The following ZFAT variants were observed in gnomAD, a reference collection of about 807,000 sequenced individuals.
ZFAT encodes zinc finger and AT-hook domain containing, also known as zinc finger protein ZFAT.
Under a neutral mutation model 117.7 loss-of-function variants are expected in ZFAT, and 64 were observed. The observed-to-expected ratio is 0.54, with a 90% confidence interval of 0.44 to 0.67. The LOEUF is 0.67. Ranked by LOEUF, ZFAT falls within the 30% of genes least tolerant of loss-of-function variation. The probability of loss-of-function intolerance (pLI) is 0.00; values close to 1 mark genes in which losing one functional copy is unlikely to be tolerated. For missense variants in ZFAT, 1,433 were observed against 1,584.5 expected (o/e 0.90, Z 1.62); for synonymous variants, 679 against 615.0 (o/e 1.10, Z -1.54).
At chr8:134,695,994 G>A (rs1177046538) in intron 1 of ZFAT, among the ~76,000 whole-genome samples, 1 of 149,052 alleles carries the variant, frequency 6.7e-6, no homozygotes, top group Non-Finnish European at 1.5e-5. Flanking sequence ...CATCTCTAAC[G>A]AATAAGGTGC....
chr8:134,717,251 C>T (rs1473637032), upstream of ZFAT, among the ~76,000 whole-genome samples: 1 of 151,796 alleles, frequency 6.6e-6, no homozygotes, highest in African/African-American at 2.4e-5. Flanking sequence ...GCTGTAAGTC[C>T]TCTTGACTTA....
At chr8:134,712,414 G>T (rs1358906113) in intron 1 of ZFAT, among the ~76,000 whole-genome samples, 1 of 152,102 alleles carries the variant, frequency 6.6e-6, no homozygotes, top group African/African-American at 2.4e-5. Context: ...TCCAGCCGGC[G>T]GCCGGGAAGC....
rs116741909 is a variant in ZFAT, at chr8:134,534,775, A to G, written c.2977-1803T>C. 1.8e-3 allele frequency among the ~76,000 whole-genome samples: 252 copies of G among 136,426 alleles called. 2 individuals carry two copies. The highest frequency in any genetic ancestry group is 6.5e-3 in the African/African-American group (229 of 35,322). 89.5% of individuals were successfully genotyped at this position (136,426 alleles called of 152,430 possible). A position where few individuals can be genotyped will look rare whatever the true frequency, so the allele number is the denominator to read the frequency against. ...AGAGGGGGAGAGGGAGAGAGGGAGA[A>G]AGAGAGAGAGAGAGAGAGAGAGGAG... is the stretch of plus-strand genomic sequence containing the variant. On this transcript the variant is annotated intron_variant, in intron 11 of 15. Coordinates refer to ENST00000377838, the MANE Select transcript of ZFAT (RefSeq NM_020863.4).
the ZFAT span, among the ~76,000 whole-genome samples, chr8:134,813,958 TG>T: frequency 1.3e-5 from 2 of 152,106 alleles, no homozygotes; most frequent in African/African-American, 4.8e-5. Flanking sequence ...ACATTCTTTG[TG>T]TGGGAGACAA....
At chr8:134,695,015 T>C (rs1368383697) in intron 1 of ZFAT, among the ~76,000 whole-genome samples, 1 of 152,142 alleles carries the variant, frequency 6.6e-6, no homozygotes, top group Non-Finnish European at 1.5e-5. Context: ...AAGGGAGGAT[T>C]CTCATGCCCA....
At chr8:134,713,566 T>C (rs1814121337), upstream of ZFAT, among the ~76,000 whole-genome samples, 1 of 152,180 alleles carries the variant, frequency 6.6e-6, no homozygotes, top group African/African-American at 2.4e-5. Context: ...CGATCACACG[T>C]GACAAGGCGA....
intron 3 of ZFAT, among the ~76,000 whole-genome samples, chr8:134,622,425 T>C (rs1376909054): frequency 6.6e-6 from 1 of 152,082 alleles, no homozygotes; most frequent in African/African-American, 2.4e-5. Flanking sequence ...TGTTGGCAAA[T>C]GGTGTGCATG....
intron 10 of ZFAT, among the ~76,000 whole-genome samples, chr8:134,581,672 G>A (rs186901591): frequency 3.3e-5 from 5 of 152,144 alleles, no homozygotes; most frequent in South Asian, 2.1e-4. Flanking sequence ...TGCAACTTCC[G>A]CCTCCAGTCT....
rs1208298893 is a variant in ZFAT, at chr8:134,536,027, CCTT to C, written c.2977-3058_2977-3056del. On this transcript the variant is annotated intron_variant, in intron 11 of 15. Coordinates refer to ENST00000377838, the MANE Select transcript of ZFAT (RefSeq NM_020863.4). ...CTTCAGACTTGAGAGCCAATTTCAC[CCTT>C]CTTGCAGCAAAGCAGATAAACAGCT... Among the ~76,000 whole-genome samples, 3 of 152,118 alleles carry C rather than the reference CCTT, an allele frequency of 2.0e-5. No individual in the cohort carries two copies. The East Asian group carries it at 5.8e-4, about 29-fold the overall frequency.
chr8:134,631,647 C>T (rs543007472), intron 3 of ZFAT, among the ~76,000 whole-genome samples: 4 of 152,260 alleles, frequency 2.6e-5, no homozygotes, highest in East Asian at 1.9e-4. Flanking sequence ...AGCTGCTAGG[C>T]GAGGGTGACA....
At chr8:134,806,970 T>C in the ZFAT span, among the ~76,000 whole-genome samples, 1 of 152,370 alleles carries the variant, frequency 6.6e-6, no homozygotes, top group African/African-American at 2.4e-5. Flanking sequence ...TTTCCATCTT[T>C]GTCAAAAACA....
the ZFAT span, among the ~76,000 whole-genome samples, chr8:134,789,753 CAAT>C: frequency 6.6e-6 from 1 of 152,286 alleles, no homozygotes; most frequent in East Asian, 1.9e-4. Flanking sequence ...CAGTTTAAGC[CAAT>C]GTTACATTGG....
intron 12 of ZFAT, among the ~76,000 whole-genome samples, chr8:134,531,228 A>G (rs1228606444): frequency 6.6e-6 from 1 of 152,226 alleles, no homozygotes; most frequent in Non-Finnish European, 1.5e-5. Flanking sequence ...CAATGATGGT[A>G]TCATCACTCA....
intron 10 of ZFAT, among the ~76,000 whole-genome samples, chr8:134,568,159 A>G (rs1175280802): frequency 6.6e-6 from 1 of 152,238 alleles, no homozygotes; most frequent in Non-Finnish European, 1.5e-5. Context: ...AACAGCAGCA[A>G]AAGGAAACAA....
chr8:134,603,499 T>C (rs565774168), intron 5 of ZFAT, among the ~76,000 whole-genome samples: 350 of 152,088 alleles, frequency 2.3e-3, no homozygotes, highest in African/African-American at 8.1e-3. Context: ...CCAGACTTCC[T>C]ATTCATTCAA....
intron 3 of ZFAT, among the ~76,000 whole-genome samples, chr8:134,619,516 CCTGT>C: frequency 6.6e-6 from 1 of 152,244 alleles, no homozygotes; most frequent in Admixed American, 6.5e-5. Context: ...GAGTGGCTTG[CCTGT>C]CTATTTGTTT....
At chr8:134,677,700 A>G (rs578138131) in intron 1 of ZFAT, among the ~76,000 whole-genome samples, 14 of 152,354 alleles carry the variant, frequency 9.2e-5, no homozygotes, top group South Asian at 2.1e-4. Flanking sequence ...AAAATTCTCA[A>G]TAAAATACTG....
intron 11 of ZFAT, among the ~76,000 whole-genome samples, chr8:134,561,963 C>T (rs988118032): frequency 1.2e-4 from 19 of 152,102 alleles, no homozygotes; most frequent in African/African-American, 4.6e-4. Flanking sequence ...TGTTACCTTG[C>T]ATGGCAAAAA....
chr8:134,684,732 G>A (rs1047731908), intron 1 of ZFAT, among the ~76,000 whole-genome samples: 3 of 152,216 alleles, frequency 2.0e-5, no homozygotes, highest in Admixed American at 1.3e-4. Flanking sequence ...TTTAGATTAC[G>A]TGGGGAAAAG....
Sources: gnomAD v4.1 joint callset for allele counts (sites outside exome capture counted in the v4.1 genomes callset) on GRCh38, gnomAD v4.1.1 for gene constraint, MANE v1.5 for transcripts, NCBI Gene and HGNC (gene_info 2026-07-23, HGNC 2026-07-21) for gene names.